Variants in DNMT3A observed in about 807,000 individuals in gnomAD.
DNMT3A encodes DNA (cytosine-5)-methyltransferase 3A.
Under a neutral mutation model 117.6 loss-of-function variants are expected in DNMT3A, and 267 were observed. The observed-to-expected ratio is 2.27, with a 90% CI of 2.05 to 2.51. DNMT3A has a LOEUF of 2.51. Among genes scored for constraint, DNMT3A ranks in the 30% most tolerant of loss-of-function variants. DNMT3A has a pLI of 0.00. For missense variants in DNMT3A, 1,029 were observed against 1,260.2 expected (o/e 0.82, Z 2.78); for synonymous variants, 432 against 474.8 (o/e 0.91, Z 1.17).
intron 1 of DNMT3A, among the ~76,000 whole-genome samples, chr2:25,340,119 C>A (rs1017179926): frequency 5.3e-5 from 8 of 152,180 alleles, no homozygotes; most frequent in African/African-American, 1.7e-4. Context: ...GCTGCGCGGC[C>A]CTGGGGCTCG....
intron 2 of DNMT3A, 38 bp downstream of exon 2, chr2:25,313,875 C>T (rs376192414): frequency 1.0e-4 from 159 of 1,548,748 alleles, no homozygotes; most frequent in Non-Finnish European, 1.3e-4. Context: ...CTCTCCCTCT[C>T]CCAGGCCAGA....
At chr2:25,272,803 C>CTTT (rs1217338234) in intron 6 of DNMT3A, among the ~76,000 whole-genome samples, 3 of 130,698 alleles carry the variant, frequency 2.3e-5, no homozygotes, top group Non-Finnish European at 5.0e-5. Flanking sequence ...TGCACTTTCT[C>CTTT]TTTTTTTTTT....
intron 6 of DNMT3A, among the ~76,000 whole-genome samples, chr2:25,268,199 A>G (rs770294590): frequency 6.6e-6 from 1 of 152,200 alleles, no homozygotes; most frequent in Non-Finnish European, 1.5e-5. Context: ...TAAGCATCTA[A>G]TAAGTATAAG....
At chr2:25,323,026 C>T (rs1170827292) in intron 1 of DNMT3A, among the ~76,000 whole-genome samples, 2 of 151,972 alleles carry the variant, frequency 1.3e-5, no homozygotes, top group Admixed American at 1.3e-4. Context: ...AGATGCCTTC[C>T]CCTCCTTCCC....
At chr2:25,260,766 TGGCCTGGGAGGGAGTGCGG>T (rs1426208816) in intron 6 of DNMT3A, among the ~76,000 whole-genome samples, 3 of 152,108 alleles carry the variant, frequency 2.0e-5, no homozygotes, top group African/African-American at 7.2e-5. Context: ...ACCATGCAGT[TGGCCTGGGAGGGAGTGCGG>T]ACTGAGAGGT....
chr2:25,292,361 CAAAAACAAAAACA>C (rs1252160882), intron 3 of DNMT3A, among the ~76,000 whole-genome samples: 3 of 50,886 alleles, frequency 5.9e-5, no homozygotes, highest in African/African-American at 1.0e-4. Flanking sequence ...AAAACAAAAA[CAAAAACAAAAACA>C]AAAAAAGCCA....
At chr2:25,324,681 C>T (rs1050436021) in intron 1 of DNMT3A, among the ~76,000 whole-genome samples, 4 of 152,116 alleles carry the variant, frequency 2.6e-5, no homozygotes, top group East Asian at 1.9e-4. Flanking sequence ...ACCTCCTAGA[C>T]GGAGATGTCT....
rs1009214288 is a variant in DNMT3A at position 25,306,858 on chromosome 2, A to C, written c.73-6615T>G. On this transcript the variant is annotated intron_variant, in intron 2 of 22. Transcript: ENST00000321117. The surrounding 1 kb of genome is among the most constrained non-coding windows in gnomAD (Gnocchi z 4.1). ...AACATGTAAACAAGTACCTGATGCC[A>C]TGCTGAGCCCAGACTGGAGTGTGCT... Among the ~76,000 whole-genome samples, 1 of 152,266 alleles carries C rather than the reference A, an allele frequency of 6.6e-6. No individual in the cohort carries two copies. Among genetic ancestry groups the C allele is most frequent in the Non-Finnish European group, 1.5e-5 (1 of 68,042 alleles).
chr2:25,234,405 TG>T lies in DNMT3A; in HGVS notation c.2612del (p.Pro871GlnfsTer10), dbSNP rs760010938. 6.2e-7 allele frequency: 1 copy of T among 1,613,460 alleles called. No homozygotes were observed. Among genetic ancestry groups the T allele is most frequent in the Non-Finnish European group, 8.5e-7 (1 of 1,179,612 alleles). ...TGTTGGAGACGTCAGTATAGTGGAC[TG>T]GGAAACCAAATACCCTGGGGGAGAA... Reference protein sequence around the residue: ...CTEMERVFGFPVHYTDVSNMS... With the variant: ...CTEMERVFGFXVHYTDVSNMS... On this transcript the variant is annotated frameshift_variant, in exon 23 of 23. Coordinates refer to ENST00000321117, the MANE Select transcript of DNMT3A (RefSeq NM_022552.5). LOFTEE classifies it high-confidence loss of function. The surrounding 1 kb of genome is among the most constrained non-coding windows in gnomAD (Gnocchi z 4.5).
intron 2 of DNMT3A, 73 bp downstream of exon 2, chr2:25,313,840 C>T (rs562555618): frequency 1.5e-5 from 23 of 1,546,300 alleles, no homozygotes; most frequent in Middle Eastern, 2.3e-4. Flanking sequence ...TATGAGGAGC[C>T]GGCTGTCATC....
rs377227081 is a variant in DNMT3A, at chr2:25,327,579, C to T, written c.-177-13418G>A. On this transcript the variant is annotated intron_variant, in intron 1 of 22. Coordinates refer to ENST00000321117, the MANE Select transcript of DNMT3A (RefSeq NM_022552.5). The surrounding 1 kb of genome is among the most constrained non-coding windows in gnomAD (Gnocchi z 4.1). ...CTGCAGCTTTGTCTCTGGGGCTGTC[C>T]GGGAGTCTTGATCCCACTTCTGCAC... is the stretch of plus-strand genomic sequence containing the variant. Among the ~76,000 whole-genome samples the T allele has an allele frequency of 3.3e-5, 5 of 152,090 alleles. No individual in the cohort carries two copies. Among genetic ancestry groups the T allele is most frequent in the African/African-American group, 9.7e-5 (4 of 41,410 alleles).
At chr2:25,332,063 T>C (rs1039151584) in intron 1 of DNMT3A, among the ~76,000 whole-genome samples, 5 of 152,332 alleles carry the variant, frequency 3.3e-5, no homozygotes, top group East Asian at 3.9e-4. Context: ...CAGGCCCACA[T>C]TGCTGCCCCG....
At chr2:25,340,188 C>T (rs2035360975) in intron 1 of DNMT3A, among the ~76,000 whole-genome samples, 1 of 152,134 alleles carries the variant, frequency 6.6e-6, no homozygotes, top group Non-Finnish European at 1.5e-5. Flanking sequence ...TGCCAGACGC[C>T]ATGTTGGGTC....
At chr2:25,261,915 A>G (rs1007333971) in intron 6 of DNMT3A, among the ~76,000 whole-genome samples, 7 of 151,866 alleles carry the variant, frequency 4.6e-5, no homozygotes, top group African/African-American at 9.7e-5. Flanking sequence ...GGTCGGGCGC[A>G]GTGGCTCACA....
intron 2 of DNMT3A, among the ~76,000 whole-genome samples, chr2:25,301,074 T>C (rs2033486354): frequency 6.6e-6 from 1 of 151,070 alleles, no homozygotes; most frequent in South Asian, 2.1e-4. Context: ...ATTGAGACCA[T>C]CCTGCTAACA....
chr2:25,244,083 C>A (rs186862397), intron 15 of DNMT3A, 72 bp downstream of exon 15: 5 of 1,602,556 alleles, frequency 3.1e-6, no homozygotes, highest in South Asian at 2.2e-5. Flanking sequence ...ACACACCCTG[C>A]GCACAGCTCA....
intron 6 of DNMT3A, among the ~76,000 whole-genome samples, chr2:25,266,314 G>T (rs7590760): frequency 6.6e-6 from 1 of 151,994 alleles, no homozygotes; most frequent in South Asian, 2.1e-4. Flanking sequence ...AGGTCAGGTA[G>T]GGCAAATAAG....
intron 6 of DNMT3A, among the ~76,000 whole-genome samples, chr2:25,248,961 C>T (rs902345240): frequency 1.3e-4 from 20 of 152,198 alleles, no homozygotes; most frequent in African/African-American, 3.6e-4. Context: ...TGGTGTGCTG[C>T]ACCCATTAAC....
intron 1 of DNMT3A, among the ~76,000 whole-genome samples, chr2:25,331,566 G>A (rs1017644159): frequency 1.3e-5 from 2 of 152,188 alleles, no homozygotes; most frequent in African/African-American, 4.8e-5. Context: ...CTGGGTGGAG[G>A]GCCAGGGTCT....
Sources: gnomAD v4.1 joint callset for allele counts (sites outside exome capture counted in the v4.1 genomes callset) on GRCh38, gnomAD v4.1.1 for gene constraint, Gnocchi (gnomAD v3.1) non-coding constraint, MANE v1.5 for transcripts, NCBI Gene and HGNC (gene_info 2026-07-23, HGNC 2026-07-21) for gene names.